NSUN6: variants seen among roughly 807,000 people sequenced by gnomAD.
NSUN6 encodes the protein tRNA (cytosine(72)-C(5))-methyltransferase NSUN6.
NSUN6 carries 64 observed loss-of-function variants against 58.0 expected under a neutral mutation model. The observed-to-expected ratio is 1.10, with a 90% confidence interval of 0.90 to 1.36. The LOEUF is 1.36. Ranked by LOEUF, NSUN6 falls within the 40% of genes most tolerant of loss-of-function variation. The probability of loss-of-function intolerance (pLI) is 0.00; values close to 1 mark genes in which losing one functional copy is unlikely to be tolerated. For missense variants in NSUN6, 701 were observed against 550.1 expected, an observed-to-expected ratio of 1.27 and a Z score of -2.74; for synonymous variants, 231 against 193.9, an observed-to-expected ratio of 1.19 and a Z score of -1.59.
chr10:18,622,218 A>G (rs926085615), intron 3 of NSUN6, among the ~76,000 whole-genome samples: 2 of 152,168 alleles, frequency 1.3e-5, no homozygotes, highest in African/African-American at 4.8e-5. Flanking sequence ...CATAAATGGG[A>G]TCAGTGCCTT....
At chr10:18,558,209 T>C (rs956038812) in intron 8 of NSUN6, among the ~76,000 whole-genome samples, 3 of 143,936 alleles carry the variant, frequency 2.1e-5, no homozygotes, top group African/African-American at 7.8e-5. Flanking sequence ...CAATGGAGAA[T>C]GGAATGGGGA....
intron 8 of NSUN6, among the ~76,000 whole-genome samples, chr10:18,569,900 T>C (rs1204785469): frequency 5.3e-5 from 8 of 150,564 alleles, no homozygotes; most frequent in Non-Finnish European, 1.2e-4. Context: ...CTCCCTTCTA[T>C]TTCCTTCCAT....
intron 8 of NSUN6, among the ~76,000 whole-genome samples, chr10:18,579,776 T>C (rs187655764): frequency 2.0e-5 from 3 of 152,260 alleles, no homozygotes; most frequent in East Asian, 3.9e-4. Flanking sequence ...TTGCATTCTT[T>C]TGAGTCTTGA....
chr10:18,586,171 G>A, intron 7 of NSUN6, 78 bp from the exon 8 acceptor site: 1 of 1,150,134 alleles, frequency 8.7e-7, no homozygotes, highest in Non-Finnish European at 1.2e-6. Context: ...AAAATAATGA[G>A]AAAAACATGA....
At chr10:18,571,093 C>T (rs12359027) in intron 8 of NSUN6, among the ~76,000 whole-genome samples, 16,327 of 151,672 alleles carry the variant, frequency 0.11, 1,149 homozygotes, top group Non-Finnish European at 0.16. Flanking sequence ...TGCTCCATTC[C>T]ATTCCATTCT....
At chr10:18,599,113 C>A (rs1480406565) in intron 6 of NSUN6, among the ~76,000 whole-genome samples, 1 of 152,222 alleles carries the variant, frequency 6.6e-6, no homozygotes, top group Non-Finnish European at 1.5e-5. Context: ...TCAAAGCTCA[C>A]TGCCACCTTG....
chr10:18,655,054 T>C (rs895346747), upstream of NSUN6: 1 of 982,346 alleles, frequency 1.0e-6, no homozygotes, highest in African/African-American at 1.8e-5. Context: ...TTGCCACGCT[T>C]ATGGAACATT....
chr10:18,628,772 C>T (rs890113027), intron 3 of NSUN6, among the ~76,000 whole-genome samples: 1 of 152,100 alleles, frequency 6.6e-6, no homozygotes, highest in African/African-American at 2.4e-5. Context: ...ACCAAATCTA[C>T]GTCGATTGGT....
At chr10:18,577,806 T>C (rs746058421) in intron 8 of NSUN6, among the ~76,000 whole-genome samples, 6 of 152,200 alleles carry the variant, frequency 3.9e-5, no homozygotes, top group Non-Finnish European at 7.3e-5. Context: ...CCTCCCTGAC[T>C]CATTCTGATC....
intron 8 of NSUN6, among the ~76,000 whole-genome samples, chr10:18,581,131 C>A (rs563842879): frequency 6.6e-6 from 1 of 151,984 alleles, no homozygotes; most frequent in Admixed American, 6.6e-5. Context: ...GTGGCCTGCT[C>A]GCACTTGGGA....
intron 6 of NSUN6, among the ~76,000 whole-genome samples, chr10:18,608,956 T>C (rs1274034961): frequency 2.6e-5 from 4 of 152,228 alleles, no homozygotes; most frequent in Non-Finnish European, 5.9e-5. Flanking sequence ...TAAACGTCCG[T>C]TGTTCTGTTT....
Position 18,651,245 on chromosome 10 carries a change from A to C in NSUN6, c.-42T>G. The stretch of plus-strand genomic sequence containing the variant: ...TTCTCCACCAAGAGAAATGCTGGAA[A>C]ACGGTGTTTTGTTTTTTTTTTTCTT... On this transcript the variant is annotated 5_prime_UTR_variant, in exon 1 of 11. Transcript: ENST00000377304. 6.6e-7 allele frequency: 1 copy of C among 1,508,290 alleles called. No individual in the cohort carries two copies. The highest frequency in any genetic ancestry group is 8.8e-7 in the Non-Finnish European group (1 of 1,134,274). The allele number at this position is 1,508,290 out of a possible 1,614,324, so 93.4% of individuals were successfully genotyped here.
chr10:18,566,170 CATTCCATTCT>C (rs1367061103), intron 8 of NSUN6, among the ~76,000 whole-genome samples: 1 of 148,162 alleles, frequency 6.7e-6, no homozygotes, highest in Non-Finnish European at 1.5e-5. Flanking sequence ...TTCCATTCTC[CATTCCATTCT>C]ATTCCATTCT....
At chr10:18,639,757 A>G (rs72775118) in intron 3 of NSUN6, among the ~76,000 whole-genome samples, 3,155 of 152,344 alleles carry the variant, frequency 0.021, 49 homozygotes, top group Admixed American at 0.04. Context: ...ATTAAAGTTA[A>G]ATCATCCAAA....
intron 3 of NSUN6, among the ~76,000 whole-genome samples, chr10:18,628,785 A>G (rs2058922102): frequency 6.6e-6 from 1 of 152,220 alleles, no homozygotes; most frequent in Non-Finnish European, 1.5e-5. Context: ...CGATTGGTGT[A>G]CCAGAAAGTG....
rs563178377 is a variant in NSUN6 at position 18,611,740 on chromosome 10, G to C, written c.576-1814C>G. ...CTCACTATGGTGTGTGTGTGTGTGT[G>C]TGTGTGTGTCTGTGTGTGTACAGTC... On this transcript the variant is annotated intron_variant, in intron 5 of 10. Transcript: ENST00000377304. Among the ~76,000 whole-genome samples the C allele has an allele frequency of 3.3e-5, 5 of 151,808 alleles. No homozygotes were observed. The South Asian group carries it at 1.1e-3, about 32-fold the overall frequency.
In NSUN6 at chr10:18,627,972, T is replaced by A. The variant is rs892618641; in HGVS notation, c.312-11679A>T. Among the ~76,000 whole-genome samples, 14 of 152,286 alleles carry A rather than the reference T, an allele frequency of 9.2e-5. No individual in the cohort carries two copies. In the South Asian group the frequency reaches 1.0e-3, roughly 11 times the overall value. On this transcript the variant is annotated intron_variant, in intron 3 of 10. Transcript: ENST00000377304. Reference sequence around the variant, plus strand: ...TGGGGGCAGGGCACAGACAAACAAATAGACAGCAGTAACCTCTGCACACTT... The same window carrying A: ...TGGGGGCAGGGCACAGACAAACAAAAAGACAGCAGTAACCTCTGCACACTT...
chr10:18,555,501 G>A (rs896603882), intron 8 of NSUN6, among the ~76,000 whole-genome samples: 8 of 150,556 alleles, frequency 5.3e-5, no homozygotes, highest in Non-Finnish European at 1.2e-4. Flanking sequence ...AATGAAGGAT[G>A]GTATGGAGAA....
intron 6 of NSUN6, among the ~76,000 whole-genome samples, chr10:18,602,125 G>A (rs181506215): frequency 5.3e-5 from 8 of 151,318 alleles, no homozygotes; most frequent in East Asian, 2.0e-4. Context: ...ATGCAGTGGC[G>A]CAATCTCAGT....
Sources: allele counts gnomAD v4.1 joint callset (sites outside exome capture counted in the v4.1 genomes callset), GRCh38; gene constraint gnomAD v4.1.1; transcripts MANE v1.5; gene names NCBI Gene and HGNC (gene_info 2026-07-23, HGNC 2026-07-21).